The following ZXDC variants were observed in gnomAD, a reference collection of about 807,000 sequenced individuals.
The protein encoded by ZXDC is zinc finger protein ZXDC.
In ZXDC, 58 loss-of-function variants were observed where a neutral mutation model predicts 63.6. That is an observed-to-expected ratio of 0.91 (90% CI 0.74 to 1.13). The LOEUF is 1.13. ZXDC is among the 50% of genes most tolerant of loss of function. The pLI, the probability that ZXDC is intolerant of heterozygous loss-of-function variation, is 0.00. For missense variants in ZXDC, 1,133 were observed against 1,148.9 expected (o/e 0.99, Z 0.20); for synonymous variants, 561 against 496.1 (o/e 1.13, Z -1.74).
chr3:126,454,748 C>T (rs1934242950), intron 7 of ZXDC: 1 of 985,288 alleles, frequency 1.0e-6, no homozygotes, highest in South Asian at 4.7e-5. Flanking sequence ...GGTATACATA[C>T]CCATTTATAG....
intron 4 of ZXDC, among the ~76,000 whole-genome samples, chr3:126,468,865 C>T (rs62264719): frequency 0.013 from 2,018 of 152,316 alleles, 16 homozygotes; most frequent in East Asian, 0.046. Context: ...GCACCACCCC[C>T]ACTGTGCTGT....
At chr3:126,452,097 C>G (rs539994579) in intron 7 of ZXDC, 2 of 985,290 alleles carry the variant, frequency 2.0e-6, no homozygotes, top group Non-Finnish European at 1.2e-6. Flanking sequence ...CTTTTCCACA[C>G]GCAAAGATGA....
At chr3:126,461,031 T>G (rs1934508738) in intron 6 of ZXDC, 1 of 984,544 alleles carries the variant, frequency 1.0e-6, no homozygotes, top group African/African-American at 1.7e-5. Flanking sequence ...GCCTCAAAAC[T>G]GGGGAAGTAC....
chr3:126,447,755 T>C (rs1426447959), intron 7 of ZXDC, among the ~76,000 whole-genome samples: 1 of 152,272 alleles, frequency 6.6e-6, no homozygotes, highest in Non-Finnish European at 1.5e-5. Context: ...AACTGCCCTG[T>C]TCGGCCTCTG....
chr3:126,441,684 G>T, intron 8 of ZXDC, 81 bp downstream of exon 8: 1 of 1,454,848 alleles, frequency 6.9e-7, no homozygotes, highest in Non-Finnish European at 9.0e-7. Context: ...GGCAGGGGAT[G>T]CAGCATGCCG....
intron 7 of ZXDC, among the ~76,000 whole-genome samples, chr3:126,445,334 TC>T (rs1933841840): frequency 6.6e-6 from 1 of 151,770 alleles, no homozygotes; most frequent in Non-Finnish European, 1.5e-5. Context: ...ATGCCCCACA[TC>T]CCCTCTCTGA....
chr3:126,448,417 G>C (rs1241727944), intron 7 of ZXDC, among the ~76,000 whole-genome samples: 2 of 152,198 alleles, frequency 1.3e-5, no homozygotes, highest in Non-Finnish European at 2.9e-5. Flanking sequence ...TGAGCAACAA[G>C]GGGTGAGAAA....
At chr3:126,452,169 C>T (rs1934129212) in intron 7 of ZXDC, 3 of 985,308 alleles carry the variant, frequency 3.0e-6, no homozygotes, top group Non-Finnish European at 3.6e-6. Context: ...CCACGCAGCC[C>T]CAGCACCAGA....
At position 126,442,014 on chromosome 3, in the gene ZXDC, G is replaced by T. The variant is rs1259585048; in HGVS notation, c.2213-68C>A. 5 of 1,458,764 alleles carry T rather than the reference G, an allele frequency of 3.4e-6. No homozygotes were observed. In the African/African-American group the frequency reaches 7.2e-5, roughly 21 times the overall value. The allele number at this position is 1,458,764 out of a possible 1,614,324, so 90.4% of individuals were successfully genotyped here. A position where few individuals can be genotyped will look rare whatever the true frequency, so the allele number is the denominator to read the frequency against. On this transcript the variant is annotated intron_variant, in intron 7 of 9. Transcript: ENST00000389709. ...ACCAGTCAGGTCTGCCCTTACCAAG[G>T]TCTCACTATGGGGAAGACAGCCTTC...
intron 1 of ZXDC, among the ~76,000 whole-genome samples, chr3:126,474,704 G>C (rs1480177126): frequency 6.6e-6 from 1 of 152,262 alleles, no homozygotes; most frequent in Non-Finnish European, 1.5e-5. Context: ...AGCACAAGCA[G>C]GTTAAGGATA....
Position 126,475,510 on chromosome 3 carries a change from G to T in ZXDC, c.356C>A (p.Pro119His), listed in dbSNP as rs776584355. 8.0e-7 allele frequency: 1 copy of T among 1,245,914 alleles called. No homozygotes were observed. The highest frequency in any genetic ancestry group is 1.0e-6 in the Non-Finnish European group (1 of 997,858). 77.2% of individuals were successfully genotyped at this position (1,245,914 alleles called of 1,614,324 possible). Residue 119 changes from proline (P) to histidine (H), a missense_variant, in exon 1 of 10, where the codon CCC (proline) becomes CAC (histidine). By Grantham distance (77) the Pro-to-His change is moderately conservative. Transcript: ENST00000389709. ...GCCCGCCGGGGCTACGCCAGGGCCG[G>T]GGGGGGCGGCCGGGCCGCTGGGGCC... ...EQGPSGPAAP[P>H]GPGVAPAGAV...
chr3:126,450,305 T>C, intron 7 of ZXDC: 1 of 456,440 alleles, frequency 2.2e-6, no homozygotes, highest in Non-Finnish European at 4.4e-6. Flanking sequence ...AAAATTCTCC[T>C]GCCCCTAAAG....
chr3:126,456,135 C>A (rs1934299061), intron 7 of ZXDC, among the ~76,000 whole-genome samples: 1 of 152,166 alleles, frequency 6.6e-6, no homozygotes, highest in Non-Finnish European at 1.5e-5. Context: ...CACCATTAAA[C>A]CCCACAGGCA....
rs1166285587 is a variant in ZXDC at position 126,475,306 on chromosome 3, G to A, written c.560C>T (p.Ala187Val). ...GTGCACCTTGAGCTGGTGCTTCTTGGCGAAGGCCAGCGCGCACTGCGGCTC... is the reference window on the plus strand; with the variant it reads ...GTGCACCTTGAGCTGGTGCTTCTTGACGAAGGCCAGCGCGCACTGCGGCTC... ...CPEPQCALAF[A>V]KKHQLKVHLL... The change falls in exon 1 of 10, where the codon GCC becomes GTC. Residue 187 changes from alanine (A) to valine (V), a missense_variant. Transcript: ENST00000389709. The A allele has an allele frequency of 1.3e-6, 2 of 1,548,232 alleles. No homozygotes were observed. The highest frequency in any genetic ancestry group is 1.7e-6 in the Non-Finnish European group (2 of 1,145,996).
intron 8 of ZXDC, 88 bp from the exon 9 acceptor site, chr3:126,439,815 C>T: frequency 1.4e-6 from 2 of 1,471,068 alleles, no homozygotes; most frequent in South Asian, 1.4e-5. Flanking sequence ...CCTCCAGCTG[C>T]AATGCGTGGC....
Position 126,475,237 on chromosome 3 carries a change from C to CACTT in ZXDC, c.625_628dup (p.Cys210Ter). On this transcript the variant is annotated stop_gained and frameshift_variant, in exon 1 of 10. Coordinates refer to ENST00000389709, the MANE Select transcript of ZXDC (RefSeq NM_025112.5). LOFTEE classifies it high-confidence loss of function. The stretch of plus-strand genomic sequence containing the variant: ...GGCCCAACCACAGCCCTCCAGTGGG[C>CACTT]ACTTGAAGGGCCGCCGGCCCTGACC... 1 of 1,561,992 alleles carries CACTT rather than the reference C, an allele frequency of 6.4e-7. No individual in the cohort carries two copies. The highest frequency in any genetic ancestry group is 8.7e-7 in the Non-Finnish European group (1 of 1,153,038).
chr3:126,459,853 G>A lies in ZXDC; in HGVS notation c.2128-116C>T. On this transcript the variant is annotated intron_variant, in intron 6 of 9. Coordinates refer to ENST00000389709, the MANE Select transcript of ZXDC (RefSeq NM_025112.5). ...GGACATATCCGAGCTCCCAAAACCA[G>A]AGTCACCAGCAAGGCACACAAAGGG... 4 of 1,576,574 alleles carry A rather than the reference G, an allele frequency of 2.5e-6. No individual in the cohort carries two copies. The South Asian group carries it at 4.6e-5, about 18-fold the overall frequency.
In ZXDC at chr3:126,454,316, T is replaced by C. The variant is rs561798350; in HGVS notation, c.2212+5337A>G. ...TTGGCTTTTACATTGTTTGATATTA[T>C]ACGTTTTCAAATAAATATTCATATA... On this transcript the variant is annotated intron_variant, in intron 7 of 9. Transcript: ENST00000389709. The C allele has an allele frequency of 7.6e-5, 75 of 984,742 alleles. No individual in the cohort carries two copies. The South Asian group carries it at 2.4e-3, about 31-fold the overall frequency. 61.0% of individuals were successfully genotyped at this position (984,742 alleles called of 1,614,324 possible).
At chr3:126,449,608 G>A (rs1036169240) in intron 7 of ZXDC, among the ~76,000 whole-genome samples, 1 of 152,222 alleles carries the variant, frequency 6.6e-6, no homozygotes, top group Non-Finnish European at 1.5e-5. Flanking sequence ...CGCTCTGGCT[G>A]TGTGTGGCAA....
Sources: allele counts gnomAD v4.1 joint callset (sites outside exome capture counted in the v4.1 genomes callset), GRCh38; gene constraint gnomAD v4.1.1; transcripts MANE v1.5; gene names NCBI Gene and HGNC (gene_info 2026-07-23, HGNC 2026-07-21).